CEP55: variants seen among roughly 807,000 people sequenced by gnomAD.
CEP55 encodes the protein centrosomal protein of 55 kDa.
In CEP55, 57 loss-of-function variants were observed where a neutral mutation model predicts 63.2. The ratio of observed to expected loss-of-function variants is 0.90; its 90% CI spans 0.73 to 1.13. The LOEUF (loss-of-function observed/expected upper bound fraction) is 1.13. Among genes scored for constraint, CEP55 ranks in the 50% most tolerant of loss-of-function variants. CEP55 has a pLI of 0.00. For synonymous variants in CEP55, 178 were observed against 191.6 expected (o/e 0.93, Z 0.59); for missense variants, 456 against 518.9 (o/e 0.88, Z 1.18).
At position 93,515,258 on chromosome 10, in the gene CEP55, G is replaced by A. The variant is rs114523575; in HGVS notation, c.529-147G>A. 1.3e-3 allele frequency: 758 copies of A among 594,806 alleles called. 7 individuals carry two copies. In the African/African-American group the frequency reaches 0.013, roughly 10 times the overall value. The allele number at this position is 594,806 out of a possible 1,614,324, so 36.8% of individuals were successfully genotyped here. ...GTGTCATGTTGTTATGTATTCTGAA[G>A]GCATGTAACATAGAATGGTTGCCCA... On this transcript the variant is annotated intron_variant, in intron 4 of 8. Coordinates refer to ENST00000371485, the MANE Select transcript of CEP55 (RefSeq NM_018131.5).
At chr10:93,504,494 AG>A (rs2057668251) in intron 3 of CEP55, among the ~76,000 whole-genome samples, 1 of 151,954 alleles carries the variant, frequency 6.6e-6, no homozygotes, top group Admixed American at 6.6e-5. Context: ...AATCATCTAT[AG>A]TAGAAAATCT....
rs183647071 is a variant in CEP55 at position 93,504,969 on chromosome 10, G to A, written c.459+1581G>A. ...TGGGATTACAGGCACCTGCCACGAC[G>A]CCCTGCTGATTTTTGTATTATTAAT... On this transcript the variant is annotated intron_variant, in intron 3 of 8. Coordinates refer to ENST00000371485, the MANE Select transcript of CEP55 (RefSeq NM_018131.5). 2.6e-3 allele frequency among the ~76,000 whole-genome samples: 391 copies of A among 151,634 alleles called. 4 individuals carry two copies. The highest frequency in any genetic ancestry group is 8.9e-3 in the African/African-American group (367 of 41,358).
At chr10:93,515,333 T>G in intron 4 of CEP55, 72 bp from the exon 5 acceptor site, 1 of 1,391,178 alleles carries the variant, frequency 7.2e-7, no homozygotes, top group Non-Finnish European at 9.9e-7. Flanking sequence ...CTACATCACT[T>G]GGACTCTCTT....
intron 7 of CEP55, among the ~76,000 whole-genome samples, 153 bp from the exon 8 acceptor site, chr10:93,519,529 G>A (rs1414635770): frequency 2.0e-5 from 3 of 152,096 alleles, no homozygotes; most frequent in Admixed American, 1.3e-4. Flanking sequence ...AAGCTGCCTC[G>A]TTTATTAACA....
intron 8 of CEP55, among the ~76,000 whole-genome samples, chr10:93,526,185 TCAAC>T (rs2057919816): frequency 6.6e-6 from 1 of 152,016 alleles, no homozygotes; most frequent in African/African-American, 2.4e-5. Context: ...TGCAATCTAC[TCAAC>T]CTACAAAGGG....
rs752222438 is a variant in CEP55 at position 93,503,166 on chromosome 10, G to A, written c.237G>A (p.Glu79=). 42 of 1,613,962 alleles carry A rather than the reference G, an allele frequency of 2.6e-5. No individual in the cohort carries two copies. The highest frequency in any genetic ancestry group is 1.6e-4 in the Middle Eastern group (1 of 6,084). The change falls in exon 3 of 9, where the codon GAG becomes GAA. Residue 79 remains glutamate (E), a synonymous_variant. Coordinates refer to ENST00000371485, the MANE Select transcript of CEP55 (RefSeq NM_018131.5). ...EKEKNAYQLT[E]KDKEIQRLRD... is the part of the protein sequence containing the mutation. ...AGAAGAATGCTTATCAACTCACAGA[G>A]AAGGACAAAGAAATACAGCGACTGA...
chr10:93,518,154 CTT>C (rs34537093), intron 6 of CEP55, among the ~76,000 whole-genome samples: 6 of 150,706 alleles, frequency 4.0e-5, no homozygotes, highest in Admixed American at 1.3e-4. Flanking sequence ...TCTTTTTTTT[CTT>C]TTTTTTTTTC....
chr10:93,518,977 AT>A, intron 7 of CEP55, 29 bp downstream of exon 7: 1 of 1,555,066 alleles, frequency 6.4e-7, no homozygotes, highest in Non-Finnish European at 8.9e-7. Flanking sequence ...TCTAAATTCA[AT>A]TCTGCCTGTT....
chr10:93,527,897 A>G lies in CEP55; in HGVS notation c.1192-53A>G. 4 of 1,492,694 alleles carry G rather than the reference A, an allele frequency of 2.7e-6. No individual in the cohort carries two copies. The South Asian group carries it at 4.9e-5, about 18-fold the overall frequency. The allele number at this position is 1,492,694 out of a possible 1,614,324, so 92.5% of individuals were successfully genotyped here. A position where few individuals can be genotyped will look rare whatever the true frequency, so the allele number is the denominator to read the frequency against. ...CTGCCTCAAAAAAAGAAAAAAAAAA[A>G]GCTGAACATTGGCCCTATTTACAAA... On this transcript the variant is annotated intron_variant, in intron 8 of 8. Transcript: ENST00000371485.
At chr10:93,519,052 A>C in intron 7 of CEP55, 104 bp downstream of exon 7, 1 of 834,720 alleles carries the variant, frequency 1.2e-6, no homozygotes, top group South Asian at 1.6e-5. Context: ...AGTTGTGAAA[A>C]GTGTCTTTAA....
Position 93,517,261 on chromosome 10 carries a change from A to G in CEP55, c.993+13A>G, listed in dbSNP as rs1396375193. On this transcript the variant is annotated intron_variant, in intron 6 of 8. Transcript: ENST00000371485. ...GCTCTTATCTCAGGTAAACTTAACCAGATCCATAATTCAGAGTGTTCACCG... is the reference window on the plus strand; with the variant it reads ...GCTCTTATCTCAGGTAAACTTAACCGGATCCATAATTCAGAGTGTTCACCG... The G allele has an allele frequency of 1.3e-6, 2 of 1,569,816 alleles. No homozygotes were observed. The highest frequency in any genetic ancestry group is 2.3e-5 in the East Asian group (1 of 44,412).
In CEP55 at chr10:93,500,103, C is replaced by T; in HGVS notation, c.52C>T (p.Pro18Ser). 4 of 1,613,354 alleles carry T rather than the reference C, an allele frequency of 2.5e-6. No homozygotes were observed. Among genetic ancestry groups the T allele is most frequent in the Admixed American group, 3.3e-5 (2 of 59,940 alleles). ...AATTAAAAGTAAGTGGGGATCGAAGCCTAGTAACTCCAAATCCGAAACTAC... is the reference window on the plus strand; with the variant it reads ...AATTAAAAGTAAGTGGGGATCGAAGTCTAGTAACTCCAAATCCGAAACTAC... ...DLIKSKWGSK[P>S]SNSKSETTLE... Residue 18 changes from proline to serine, a missense_variant, in exon 2 of 9, where the codon CCT (proline) becomes TCT (serine). Physicochemically the swap from Pro to Ser is moderately conservative, Grantham distance 74 (BLOSUM62 -1). Transcript: ENST00000371485.
At position 93,500,163 on chromosome 10, in the gene CEP55, A is replaced by G; in HGVS notation, c.112A>G (p.Lys38Glu). ...EKLKGEIAHL[K>E]TSVDEITSGK... ...ATTAAAGGGAGAAATTGCACACTTA[A>G]AGACATCAGTGGATGAAATCACAAG... The change falls in exon 2 of 9, where the codon AAG becomes GAG. Residue 38 changes from lysine to glutamate, a missense_variant. Transcript: ENST00000371485. 1 of 1,613,876 alleles carries G rather than the reference A, an allele frequency of 6.2e-7. No homozygotes were observed. The highest frequency in any genetic ancestry group is 8.5e-7 in the Non-Finnish European group (1 of 1,179,862).
At chr10:93,521,720 AC>A (rs200620858) in intron 8 of CEP55, among the ~76,000 whole-genome samples, 3,966 of 152,250 alleles carry the variant, frequency 0.026, 148 homozygotes, top group African/African-American at 0.08. Context: ...GACACCTCAC[AC>A]AGCCGGGTAC....
rs757917132 is a variant in CEP55, at chr10:93,517,169, A to G, written c.914A>G (p.Gln305Arg). The G allele has an allele frequency of 6.2e-7, 1 of 1,613,822 alleles. No homozygotes were observed. The highest frequency in any genetic ancestry group is 1.1e-5 in the South Asian group (1 of 90,978). The change falls in exon 6 of 9, where the codon CAA becomes CGA. Residue 305 changes from glutamine (Q) to arginine (R), a missense_variant. Physicochemically the swap from Gln to Arg is conservative, Grantham distance 43. Coordinates refer to ENST00000371485, the MANE Select transcript of CEP55 (RefSeq NM_018131.5). Reference sequence around the variant, plus strand: ...GATAGGCATAAAACAGAGAAGATACAAAAACTCAGGGAAGAGAATGATATT... The same window carrying G: ...GATAGGCATAAAACAGAGAAGATACGAAAACTCAGGGAAGAGAATGATATT... ...EDDRHKTEKI[Q>R]KLREENDIAR... is the part of the protein sequence containing the mutation.
Position 93,511,854 on chromosome 10 carries a change from G to A in CEP55, c.529-3551G>A, listed in dbSNP as rs577837256. On this transcript the variant is annotated intron_variant, in intron 4 of 8. Transcript: ENST00000371485. ...CCTGACCTTGTGATATGCCCGCCTC[G>A]GCCTCCCAAAGTGCTGGGATTACAG... is the stretch of plus-strand genomic sequence containing the variant. 3.3e-5 allele frequency among the ~76,000 whole-genome samples: 5 copies of A among 151,486 alleles called. No homozygotes were observed. In the East Asian group the frequency reaches 7.9e-4, roughly 24 times the overall value.
chr10:93,515,795 C>A (rs1466210602), intron 5 of CEP55, among the ~76,000 whole-genome samples: 1 of 152,188 alleles, frequency 6.6e-6, no homozygotes, highest in Non-Finnish European at 1.5e-5. Flanking sequence ...ACATTCAGTT[C>A]TCTCTACCCA....
chr10:93,506,879 C>A (rs960090885), intron 3 of CEP55, 109 bp from the exon 4 acceptor site: 18 of 794,158 alleles, frequency 2.3e-5, no homozygotes, highest in Admixed American at 3.6e-5. Context: ...CAGCCTAGAT[C>A]TGGATTTCGG....
chr10:93,514,223 G>A (rs2057780403), intron 4 of CEP55, among the ~76,000 whole-genome samples: 1 of 152,130 alleles, frequency 6.6e-6, no homozygotes, highest in Admixed American at 6.5e-5. Context: ...GTGAGCCACT[G>A]CCCAGCCCAC....
Sources: gnomAD v4.1 joint callset for allele counts (sites outside exome capture counted in the v4.1 genomes callset) on GRCh38, gnomAD v4.1.1 for gene constraint, MANE v1.5 for transcripts, NCBI Gene and HGNC (gene_info 2026-07-23, HGNC 2026-07-21) for gene names.